Variants in SSRP1 observed in about 807,000 individuals in gnomAD.
The protein encoded by SSRP1 is structure specific recognition protein 1, also known as FACT complex subunit SSRP1.
SSRP1 carries 21 observed loss-of-function variants against 84.4 expected under a neutral mutation model. The observed-to-expected ratio is 0.25, with a 90% CI of 0.18 to 0.36. SSRP1 has a LOEUF of 0.36. SSRP1 is among the 10% of genes least tolerant of loss of function. The probability of loss-of-function intolerance (pLI) is 1.00; values close to 1 mark genes in which losing one functional copy is unlikely to be tolerated. For missense variants in SSRP1, 519 were observed against 900.8 expected (o/e 0.58, Z 5.43); for synonymous variants, 319 against 318.3 (o/e 1.00, Z -0.02).
In SSRP1 at chr11:57,335,135, T is replaced by A. The variant is rs531213272; in HGVS notation, c.-14A>T. ...TGTCTCTGCCATGTCGACCCCTGCC[T>A]GTGGTGGCCTGGGCAGAGCCCCAGG... On this transcript the variant is annotated 5_prime_UTR_variant, in exon 2 of 17. Transcript: ENST00000278412. This position sits in a 1 kb window ranked among gnomAD's most constrained non-coding sequence, Gnocchi z 4.6. 4 of 1,613,966 alleles carry A rather than the reference T, an allele frequency of 2.5e-6. No homozygotes were observed. The highest frequency in any genetic ancestry group is 1.6e-4 in the Middle Eastern group (1 of 6,062).
In SSRP1 at chr11:57,326,235, CAG is replaced by C. The variant is rs1855976948; in HGVS notation, c.*170_*171del. ...ATAAACAGCCATCCTTGGGAAGCAG[CAG>C]AGTTAAGACGTCTCCCCACTGCCCT... On this transcript the variant is annotated 3_prime_UTR_variant, in exon 17 of 17. Transcript: ENST00000278412. The C allele has an allele frequency of 9.4e-6, 6 of 636,360 alleles. 1 individual carries two copies. The South Asian group carries it at 1.2e-4, about 12-fold the overall frequency. 39.4% of individuals were successfully genotyped at this position (636,360 alleles called of 1,614,324 possible).
In SSRP1 at chr11:57,330,524, C is replaced by G; in HGVS notation, c.1297-95G>C. 1 of 1,540,800 alleles carries G rather than the reference C, an allele frequency of 6.5e-7. No homozygotes were observed. The highest frequency in any genetic ancestry group is 1.2e-5 in the South Asian group (1 of 81,660). ...CACCCCCATGCCTGTCAAGTCAGAG[C>G]AGCAGCTCCCAGAAGACCTGGGGCT... On this transcript the variant is annotated intron_variant, in intron 10 of 16. Transcript: ENST00000278412. This position sits in a 1 kb window ranked among gnomAD's most constrained non-coding sequence, Gnocchi z 4.0.
At chr11:57,326,619 C>T (rs1855986713) in intron 16 of SSRP1, 84 bp downstream of exon 16, 1 of 1,583,264 alleles carries the variant, frequency 6.3e-7, no homozygotes, top group Non-Finnish European at 8.6e-7. Flanking sequence ...TCCACTCCAA[C>T]TCATTACTCT....
At chr11:57,329,282 T>C (rs1178790965) in intron 12 of SSRP1, 3 of 152,200 alleles carry the variant, frequency 2.0e-5, no homozygotes, top group Admixed American at 2.0e-4. Flanking sequence ...GTCCCAATTT[T>C]CTGTTGGGAA....
At chr11:57,331,020 G>A in intron 9 of SSRP1, 93 bp from the exon 10 acceptor site, 5 of 1,416,602 alleles carry the variant, frequency 3.5e-6, no homozygotes, top group Middle Eastern at 2.1e-4. Flanking sequence ...GGGGTAGACT[G>A]TGGAGCCTGG....
rs1271631373 is a variant in SSRP1 at position 57,328,277 on chromosome 11, C to CT, written c.1611+19dup. The CT allele has an allele frequency of 6.2e-7, 1 of 1,613,436 alleles. No individual in the cohort carries two copies. ...CCACCCACTGCACCACACACAGGCC[C>CT]TCCCATCTACAGTCTGCACCTCCAC... On this transcript the variant is annotated intron_variant, in intron 13 of 16. Coordinates refer to ENST00000278412, the MANE Select transcript of SSRP1 (RefSeq NM_003146.3).
At chr11:57,333,410 A>G in intron 4 of SSRP1, 25 bp downstream of exon 4, 1 of 1,592,186 alleles carries the variant, frequency 6.3e-7, no homozygotes, top group Non-Finnish European at 8.6e-7. Flanking sequence ...TTCCTCCCCA[A>G]ACCTCAGTCT....
intron 3 of SSRP1, 61 bp from the exon 4 acceptor site, chr11:57,333,601 G>A: frequency 8.3e-7 from 1 of 1,199,448 alleles, no homozygotes; most frequent in Non-Finnish European, 1.2e-6. Context: ...ACACCGACTT[G>A]AATGTCCTGG....
At position 57,335,236 on chromosome 11, in the gene SSRP1, G is replaced by T. The variant is rs1856187842; in HGVS notation, c.-115C>A. The stretch of plus-strand genomic sequence containing the variant: ...GGGTGTGCGGATGCTCAGCAGGTTG[G>T]GAATCTGAATTCAAGAGGAAGACAG... On this transcript the variant is annotated 5_prime_UTR_variant, in exon 2 of 17. Transcript: ENST00000278412. This position sits in a 1 kb window ranked among gnomAD's most constrained non-coding sequence, Gnocchi z 4.6. 9.4e-7 allele frequency: 1 copy of T among 1,062,692 alleles called. No homozygotes were observed. The highest frequency in any genetic ancestry group is 1.5e-6 in the Non-Finnish European group (1 of 686,584). 65.8% of individuals were successfully genotyped at this position (1,062,692 alleles called of 1,614,324 possible).
chr11:57,333,229 A>G (rs959698216), intron 4 of SSRP1, 80 bp from the exon 5 acceptor site: 1 of 1,471,210 alleles, frequency 6.8e-7, no homozygotes. Flanking sequence ...ACTGAGTTCC[A>G]CAGAGACAGG....
intron 14 of SSRP1, 66 bp from the exon 15 acceptor site, chr11:57,327,580 C>A: frequency 6.2e-7 from 1 of 1,606,042 alleles, no homozygotes; most frequent in Non-Finnish European, 8.5e-7. Context: ...TCCCCTGATG[C>A]AGGCAAAATC....
In SSRP1 at chr11:57,334,463, C is replaced by T; in HGVS notation, c.240G>A (p.Ser80=). The T allele has an allele frequency of 6.2e-7, 1 of 1,613,586 alleles. No individual in the cohort carries two copies. The highest frequency in any genetic ancestry group is 8.5e-7 in the Non-Finnish European group (1 of 1,179,568). Reference sequence around the variant, plus strand: ...GGCTTATAGCCATGGGACATCTCACCGATTCTCGGAAGCCATCATACTTGT... The same window carrying T: ...GGCTTATAGCCATGGGACATCTCACTGATTCTCGGAAGCCATCATACTTGT... ...HVYKYDGFRE[S]EFEKLSDFFK... is the part of the protein sequence containing the mutation. The change falls in exon 3 of 17, where the codon TCG becomes TCA. Residue 80 remains serine, a splice_region_variant and synonymous_variant. Transcript: ENST00000278412.
In SSRP1 at chr11:57,330,235, G is replaced by A. The variant is rs59182590; in HGVS notation, c.1435+56C>T. On this transcript the variant is annotated intron_variant, in intron 11 of 16. Transcript: ENST00000278412. This position sits in a 1 kb window ranked among gnomAD's most constrained non-coding sequence, Gnocchi z 4.0. ...TCTGGCCCAAGGGTGAGTCCAGCCCGGGCCACAGCGAGGAGCGTCTGACCA... is the reference window on the plus strand; with the variant it reads ...TCTGGCCCAAGGGTGAGTCCAGCCCAGGCCACAGCGAGGAGCGTCTGACCA... 3,560 of 1,614,008 alleles carry A rather than the reference G, an allele frequency of 2.2e-3. 52 individuals are homozygous for A. The African/African-American group carries it at 0.039, about 18-fold the overall frequency.
In SSRP1 at chr11:57,330,678, G is replaced by A; in HGVS notation, c.1296+177C>T. ...GGCTCCTGAGGGGCTGCATAGACTG[G>A]TCTAAGGTCATGCAGAGGAAACCTG... is the stretch of plus-strand genomic sequence containing the variant. On this transcript the variant is annotated intron_variant, in intron 10 of 16. Coordinates refer to ENST00000278412, the MANE Select transcript of SSRP1 (RefSeq NM_003146.3). The surrounding 1 kb of genome is among the most constrained non-coding windows in gnomAD (Gnocchi z 4.0). 6.8e-7 allele frequency: 1 copy of A among 1,474,240 alleles called. No homozygotes were observed. The highest frequency in any genetic ancestry group is 8.9e-7 in the Non-Finnish European group (1 of 1,117,728). The allele number at this position is 1,474,240 out of a possible 1,614,324, so 91.3% of individuals were successfully genotyped here. A position where few individuals can be genotyped will look rare whatever the true frequency, so the allele number is the denominator to read the frequency against.
In SSRP1 at chr11:57,332,558, G is replaced by A. The variant is rs919606674; in HGVS notation, c.768+67C>T. On this transcript the variant is annotated intron_variant, in intron 6 of 16. Coordinates refer to ENST00000278412, the MANE Select transcript of SSRP1 (RefSeq NM_003146.3). This position sits in a 1 kb window ranked among gnomAD's most constrained non-coding sequence, Gnocchi z 5.5. ...AACCAACGTAGAATTCTGCACACCA[G>A]TGAGATCCATCTACTTAACACTTAG... 1.2e-6 allele frequency: 2 copies of A among 1,603,760 alleles called. No homozygotes were observed. Among genetic ancestry groups the A allele is most frequent in the Non-Finnish European group, 1.7e-6 (2 of 1,171,556 alleles).
chr11:57,326,573 T>C, intron 16 of SSRP1, 95 bp from the exon 17 acceptor site: 1 of 1,493,520 alleles, frequency 6.7e-7, no homozygotes, highest in South Asian at 1.1e-5. Context: ...CGCCCCCAAC[T>C]ACAGCACCCC....
At chr11:57,333,205 A>T (rs762350400) in intron 4 of SSRP1, 56 bp from the exon 5 acceptor site, 32 of 1,542,020 alleles carry the variant, frequency 2.1e-5, no homozygotes, top group Non-Finnish European at 2.6e-5. Context: ...CTGCATAAGC[A>T]ATATTCCCAC....
In SSRP1 at chr11:57,335,569, C is replaced by G. The variant is rs1469683671; in HGVS notation, c.-120+161G>C. ...TCAGAGTGCAGGGTTTCCCTCGCAC[C>G]GCTCCCACCACCCCGCGGCCCCAGA... is the stretch of plus-strand genomic sequence containing the variant. On this transcript the variant is annotated intron_variant, in intron 1 of 16. Transcript: ENST00000278412. This position sits in a 1 kb window ranked among gnomAD's most constrained non-coding sequence, Gnocchi z 4.6. 5.0e-6 allele frequency: 1 copy of G among 198,188 alleles called. No individual in the cohort carries two copies. The highest frequency in any genetic ancestry group is 1.2e-4 in the East Asian group (1 of 8,566). 12.3% of individuals were successfully genotyped at this position (198,188 alleles called of 1,614,324 possible). A position where few individuals can be genotyped will look rare whatever the true frequency, so the allele number is the denominator to read the frequency against.
chr11:57,329,870 A>T (rs1011486723), intron 12 of SSRP1: 3 of 608,244 alleles, frequency 4.9e-6, no homozygotes, highest in Non-Finnish European at 8.7e-6. Flanking sequence ...TCAGGGCGGT[A>T]TGGCCATAGA....
Sources: gnomAD v4.1 joint callset for allele counts on GRCh38, gnomAD v4.1.1 for gene constraint, Gnocchi (gnomAD v3.1) non-coding constraint, MANE v1.5 for transcripts, NCBI Gene and HGNC (gene_info 2026-07-23, HGNC 2026-07-21) for gene names.